The following NRG1 variants were observed in gnomAD, a reference collection of about 807,000 sequenced individuals.
NRG1 encodes the protein pro-neuregulin-1, membrane-bound isoform.
In NRG1, 18 loss-of-function variants were observed where a neutral mutation model predicts 63.8. The ratio of observed to expected loss-of-function variants is 0.28; its 90% confidence interval spans 0.19 to 0.42. The LOEUF is 0.42. Ranked by LOEUF, NRG1 falls within the 10% of genes least tolerant of loss-of-function variation. The pLI is 1.00. For synonymous variants in NRG1, 302 were observed against 301.3 expected (o/e 1.00, Z -0.02); for missense variants, 762 against 814.7 (o/e 0.94, Z 0.79).
At chr8:32,040,773 C>CATATATATATATA (rs1306148727) in intron 1 of NRG1, among the ~76,000 whole-genome samples, 1 of 6,512 alleles carries the variant, frequency 1.5e-4, no homozygotes, top group Non-Finnish European at 4.6e-4. Flanking sequence ...ATATATGCGC[C>CATATATATATATA]TAAATTTCAG....
chr8:31,694,074 C>T (rs1433283850), intron 1 of NRG1, among the ~76,000 whole-genome samples: 1 of 152,166 alleles, frequency 6.6e-6, no homozygotes, highest in African/African-American at 2.4e-5. Flanking sequence ...AACTCCTGAG[C>T]TCAAGGGACC....
At chr8:31,723,174 G>T (rs945655113) in intron 1 of NRG1, among the ~76,000 whole-genome samples, 1 of 152,086 alleles carries the variant, frequency 6.6e-6, no homozygotes, top group Non-Finnish European at 1.5e-5. Context: ...ATTTCTTGCT[G>T]GGATCTATCA....
chr8:32,084,278 G>GT (rs551695467), intron 1 of NRG1, among the ~76,000 whole-genome samples: 6 of 151,902 alleles, frequency 3.9e-5, no homozygotes, highest in African/African-American at 4.8e-5. Flanking sequence ...ATCTCACAGA[G>GT]TTTTTTTTGG....
intron 1 of NRG1, among the ~76,000 whole-genome samples, chr8:31,945,681 C>T (rs1802437181): frequency 6.6e-6 from 1 of 152,218 alleles, no homozygotes; most frequent in Admixed American, 6.5e-5. Flanking sequence ...TCCCTTTCGA[C>T]AGGTCCTTCT....
chr8:32,469,059 G>C (rs1248707229), intron 1 of NRG1, among the ~76,000 whole-genome samples: 2 of 152,162 alleles, frequency 1.3e-5, no homozygotes, highest in Non-Finnish European at 2.9e-5. Context: ...ACATAGACCT[G>C]TTCACATAAC....
At chr8:31,680,190 T>C (rs1808171464) in intron 1 of NRG1, among the ~76,000 whole-genome samples, 3 of 152,080 alleles carry the variant, frequency 2.0e-5, no homozygotes, top group Admixed American at 1.3e-4. Flanking sequence ...GTGCACAATG[T>C]GCAGGTTAGT....
chr8:32,524,063 G>A lies in NRG1; in HGVS notation c.38-71765G>A, dbSNP rs550029169. ...GCACTTTGAGAGGCTGAGGCAGGAGGATTGTTTGAGCTCAGGAGTTCAAGA... is the reference window on the plus strand; with the variant it reads ...GCACTTTGAGAGGCTGAGGCAGGAGAATTGTTTGAGCTCAGGAGTTCAAGA... On this transcript the variant is annotated intron_variant, in intron 1 of 10. Transcript: ENST00000519301. Among the ~76,000 whole-genome samples the A allele has an allele frequency of 1.2e-4, 18 of 152,160 alleles. No individual in the cohort carries two copies. The East Asian group carries it at 3.5e-3, about 29-fold the overall frequency.
chr8:32,548,079 C>A, upstream of NRG1: 1 of 409,678 alleles, frequency 2.4e-6, no homozygotes, highest in South Asian at 1.0e-4. Context: ...TTCCCGGCAG[C>A]CGCGCCGCCA....
chr8:32,245,055 G>A (rs1039256012), intron 1 of NRG1, among the ~76,000 whole-genome samples: 4 of 152,116 alleles, frequency 2.6e-5, no homozygotes, highest in African/African-American at 9.7e-5. Flanking sequence ...CTAAGAGAAT[G>A]AAGGACCTGA....
intron 1 of NRG1, among the ~76,000 whole-genome samples, chr8:31,732,585 G>A (rs1436265481): frequency 2.0e-5 from 3 of 152,054 alleles, no homozygotes; most frequent in African/African-American, 7.2e-5. Flanking sequence ...TTTTAGGGTA[G>A]TTACCATCCA....
chr8:32,041,794 G>C (rs1820102905), intron 1 of NRG1, among the ~76,000 whole-genome samples: 2 of 152,138 alleles, frequency 1.3e-5, no homozygotes, highest in Non-Finnish European at 2.9e-5. Context: ...AGGATCCACA[G>C]GTAACCAAAA....
At chr8:32,351,071 T>C (rs1805542315) in intron 1 of NRG1, among the ~76,000 whole-genome samples, 1 of 152,186 alleles carries the variant, frequency 6.6e-6, no homozygotes, top group Non-Finnish European at 1.5e-5. Flanking sequence ...TTTGCAGGAA[T>C]CTAAAAGTAG....
At chr8:32,500,048 T>G (rs966438327) in intron 1 of NRG1, among the ~76,000 whole-genome samples, 1 of 152,218 alleles carries the variant, frequency 6.6e-6, no homozygotes, top group African/African-American at 2.4e-5. Flanking sequence ...TAAAATTTCT[T>G]TCTACAATCA....
chr8:31,699,206 C>T (rs199511724), intron 1 of NRG1, among the ~76,000 whole-genome samples: 1 of 139,272 alleles, frequency 7.2e-6, no homozygotes, highest in Non-Finnish European at 1.6e-5. Context: ...ACATTTTTTT[C>T]CTCATTATAA....
At chr8:32,565,119 C>T (rs1271707425) in intron 1 of NRG1, among the ~76,000 whole-genome samples, 1 of 152,064 alleles carries the variant, frequency 6.6e-6, no homozygotes, top group African/African-American at 2.4e-5. Context: ...TGGCATTTAA[C>T]CCTGCCCACC....
At chr8:32,215,815 G>A (rs1044798632) in intron 1 of NRG1, among the ~76,000 whole-genome samples, 10 of 152,316 alleles carry the variant, frequency 6.6e-5, no homozygotes, top group Middle Eastern at 3.4e-3. Flanking sequence ...ACCAAGGCAA[G>A]AGGATAACTT....
chr8:31,833,349 T>G (rs1749005375), intron 1 of NRG1, among the ~76,000 whole-genome samples: 1 of 152,190 alleles, frequency 6.6e-6, no homozygotes, highest in Non-Finnish European at 1.5e-5. Flanking sequence ...TCAGCTTTGG[T>G]TATTATGAAT....
intron 1 of NRG1, among the ~76,000 whole-genome samples, chr8:32,220,747 C>T (rs1202012507): frequency 6.6e-6 from 1 of 152,194 alleles, no homozygotes; most frequent in Non-Finnish European, 1.5e-5. Flanking sequence ...ACGCCCCTCC[C>T]GGAGCTCCTC....
intron 1 of NRG1, among the ~76,000 whole-genome samples, chr8:32,256,205 C>A (rs1601697): frequency 0.29 from 44,041 of 152,026 alleles, 8,738 homozygotes; most frequent in African/African-American, 0.56. Flanking sequence ...CAAACTCATT[C>A]TCCATCCAGT....
Sources: allele counts gnomAD v4.1 joint callset (sites outside exome capture counted in the v4.1 genomes callset), GRCh38; gene constraint gnomAD v4.1.1; transcripts MANE v1.5; gene names NCBI Gene and HGNC (gene_info 2026-07-23, HGNC 2026-07-21).